Variants in GLCCI1 observed in about 807,000 individuals in gnomAD.
GLCCI1 encodes the protein glucocorticoid-induced transcript 1 protein.
In GLCCI1, 24 loss-of-function variants were observed where a neutral mutation model predicts 52.2. The observed-to-expected ratio is 0.46, with a 90% confidence interval of 0.33 to 0.65. The LOEUF (loss-of-function observed/expected upper bound fraction) is 0.65, where lower values mean the gene tolerates loss of function less well. Among genes scored for constraint, GLCCI1 ranks in the 30% least tolerant of loss-of-function variants. The pLI is 0.02. For synonymous variants in GLCCI1, 310 were observed against 276.5 expected (o/e 1.12, Z -1.20); for missense variants, 704 against 701.5 (o/e 1.00, Z -0.04).
intron 3 of GLCCI1, among the ~76,000 whole-genome samples, chr7:8,040,772 A>G (rs760061569): frequency 3.3e-5 from 5 of 152,240 alleles, no homozygotes; most frequent in Non-Finnish European, 5.9e-5. Context: ...ACATGTCTAC[A>G]TTGAGACTTA....
intron 1 of GLCCI1, among the ~76,000 whole-genome samples, chr7:7,970,141 CAA>C (rs1274408478): frequency 6.6e-6 from 1 of 152,194 alleles, no homozygotes; most frequent in Non-Finnish European, 1.5e-5. Context: ...AACACGCACA[CAA>C]ACTCTTCAGC....
intron 2 of GLCCI1, among the ~76,000 whole-genome samples, chr7:8,008,506 G>A (rs1027844869): frequency 6.6e-5 from 10 of 151,988 alleles, no homozygotes; most frequent in African/African-American, 1.7e-4. Context: ...CAGTAGAGAG[G>A]CTGGTCTTGA....
intron 3 of GLCCI1, among the ~76,000 whole-genome samples, chr7:8,039,951 C>T (rs1376092970): frequency 6.8e-5 from 10 of 147,258 alleles, no homozygotes; most frequent in Admixed American, 2.1e-4. Flanking sequence ...GAGCCGAGAT[C>T]ATGCCACTGC....
At chr7:8,006,918 A>C (rs1474411061) in intron 2 of GLCCI1, among the ~76,000 whole-genome samples, 1 of 152,182 alleles carries the variant, frequency 6.6e-6, no homozygotes, top group South Asian at 2.1e-4. Context: ...GCCATCCTCA[A>C]AAAGCAAGAA....
chr7:7,977,203 C>G (rs1396502802), intron 1 of GLCCI1, among the ~76,000 whole-genome samples: 2 of 152,144 alleles, frequency 1.3e-5, no homozygotes, highest in Non-Finnish European at 2.9e-5. Flanking sequence ...GTGAACAAGA[C>G]ATAAACGAAC....
At chr7:8,031,624 C>T (rs1454776579) in intron 3 of GLCCI1, among the ~76,000 whole-genome samples, 1 of 152,082 alleles carries the variant, frequency 6.6e-6, no homozygotes, top group Non-Finnish European at 1.5e-5. Context: ...GATTATTATG[C>T]ATTGCATGCC....
At chr7:8,001,080 T>C (rs140462494) in intron 1 of GLCCI1, among the ~76,000 whole-genome samples, 117 of 152,074 alleles carry the variant, frequency 7.7e-4, no homozygotes, top group African/African-American at 2.6e-3. Context: ...ATCCTGACAT[T>C]ATGATGATAG....
At chr7:7,985,744 T>A (rs1167903148) in intron 1 of GLCCI1, among the ~76,000 whole-genome samples, 1 of 152,192 alleles carries the variant, frequency 6.6e-6, no homozygotes, top group Non-Finnish European at 1.5e-5. Context: ...AATCAATCCG[T>A]TTAGATATAA....
At chr7:7,981,878 G>T in intron 1 of GLCCI1, 1 of 458,498 alleles carries the variant, frequency 2.2e-6, no homozygotes, top group South Asian at 1.6e-5. Flanking sequence ...AAGACTCCAA[G>T]TCAAGTCACT....
At chr7:8,070,316 A>T (rs1489321414) in intron 5 of GLCCI1, 15 of 152,208 alleles carry the variant, frequency 9.9e-5, no homozygotes, top group Admixed American at 9.8e-4. Context: ...GTAGAATTTG[A>T]TATCCAAATT....
chr7:8,019,958 G>A (rs929365909), intron 2 of GLCCI1, among the ~76,000 whole-genome samples: 5 of 152,162 alleles, frequency 3.3e-5, no homozygotes, highest in African/African-American at 1.2e-4. Context: ...TCTAAGCACT[G>A]CACATTTAGG....
chr7:8,079,884 C>A (rs1782960177), intron 6 of GLCCI1, among the ~76,000 whole-genome samples: 1 of 151,388 alleles, frequency 6.6e-6, no homozygotes, highest in African/African-American at 2.5e-5. Context: ...GTCATTTTTC[C>A]CCTGTACTCT....
Position 8,086,423 on chromosome 7 carries a change from C to T in GLCCI1, c.1529C>T (p.Thr510Ile), listed in dbSNP as rs1376007484. 4 of 1,614,164 alleles carry T rather than the reference C, an allele frequency of 2.5e-6. No individual in the cohort carries two copies. The highest frequency in any genetic ancestry group is 2.2e-5 in the East Asian group (1 of 44,882). Residue 510 changes from threonine to isoleucine, a missense_variant, in exon 8 of 8, where the codon ACC becomes ATC. Thr to Ile is a moderately conservative substitution (Grantham distance 89). This residue lies in a region of GLCCI1 where 149 missense variants were observed against 152.9 expected (regional missense o/e 0.97). Coordinates refer to ENST00000223145, the MANE Select transcript of GLCCI1 (RefSeq NM_138426.4). This position sits in a 1 kb window ranked among gnomAD's most constrained non-coding sequence, Gnocchi z 4.4. Reference protein sequence around the residue: ...RVSFTSLSDDTSTAGSMEASV... With the variant: ...RVSFTSLSDDISTAGSMEASV... ...TCCTTTACGTCTCTTTCTGATGACA[C>T]CAGCACAGCGGGCTCCATGGAGGCC... is the stretch of plus-strand genomic sequence containing the variant.
intron 5 of GLCCI1, among the ~76,000 whole-genome samples, chr7:8,062,101 A>G: frequency 6.6e-6 from 1 of 152,232 alleles, no homozygotes; most frequent in East Asian, 1.9e-4. Context: ...TCAAAAAGCA[A>G]AACTATACTA....
intron 1 of GLCCI1, among the ~76,000 whole-genome samples, chr7:7,979,881 T>A (rs1780573169): frequency 6.6e-6 from 1 of 152,196 alleles, no homozygotes; most frequent in Non-Finnish European, 1.5e-5. Flanking sequence ...GAAACTTTGG[T>A]TGAATGCAGT....
chr7:8,060,345 C>T, intron 5 of GLCCI1, 97 bp downstream of exon 5: 1 of 913,890 alleles, frequency 1.1e-6, no homozygotes, highest in South Asian at 1.7e-5. Context: ...AGATATAATT[C>T]ACATACCATC....
chr7:8,043,984 A>C (rs2127955535), intron 3 of GLCCI1, among the ~76,000 whole-genome samples: 1 of 149,332 alleles, frequency 6.7e-6, no homozygotes, highest in East Asian at 2.0e-4. Context: ...TCGCTCTGTC[A>C]CCCAGGCTGG....
rs569531611 is a variant in GLCCI1 at position 8,050,836 on chromosome 7, T to G, written c.697-4597T>G. On this transcript the variant is annotated intron_variant, in intron 3 of 7. Coordinates refer to ENST00000223145, the MANE Select transcript of GLCCI1 (RefSeq NM_138426.4). ...AACAATGTGACTTTTAGCAATATAT[T>G]TTTTTAACCTTTCTACCTGTATTTC... is the stretch of plus-strand genomic sequence containing the variant. 3.9e-4 allele frequency among the ~76,000 whole-genome samples: 60 copies of G among 152,312 alleles called. 1 individual carries two copies. The South Asian group carries it at 0.012, about 29-fold the overall frequency.
chr7:8,025,726 C>T (rs929906083), intron 3 of GLCCI1, among the ~76,000 whole-genome samples: 1 of 152,148 alleles, frequency 6.6e-6, no homozygotes, highest in Admixed American at 6.5e-5. Flanking sequence ...AATGGGTCAT[C>T]ACATGTAGGG....
Sources: allele counts gnomAD v4.1 joint callset (sites outside exome capture counted in the v4.1 genomes callset), GRCh38; gene constraint gnomAD v4.1.1; regional missense constraint gnomAD v4.1.1; non-coding constraint Gnocchi (gnomAD v3.1); transcripts MANE v1.5; gene names NCBI Gene and HGNC (gene_info 2026-07-23, HGNC 2026-07-21).